DGKH: variants seen among roughly 807,000 people sequenced by gnomAD.
DGKH encodes the protein DAG kinase eta.
A neutral mutation model predicts 159.3 loss-of-function variants in DGKH; 90 were observed. The observed-to-expected ratio is 0.57, with a 90% CI of 0.48 to 0.67. The LOEUF (loss-of-function observed/expected upper bound fraction) is 0.67, where lower values mean the gene tolerates loss of function less well. Among genes scored for constraint, DGKH ranks in the 30% least tolerant of loss-of-function variants. DGKH has a pLI of 0.00. For synonymous variants in DGKH, 536 were observed against 553.8 expected, an observed-to-expected ratio of 0.97 and a Z score of 0.45; for missense variants, 1,181 against 1,506.1, an observed-to-expected ratio of 0.78 and a Z score of 3.57.
intron 1 of DGKH, among the ~76,000 whole-genome samples, chr13:42,116,893 C>T (rs1954978284): frequency 2.0e-5 from 3 of 152,302 alleles, no homozygotes; most frequent in Admixed American, 1.3e-4. Flanking sequence ...ATTTATTCAA[C>T]TTGTAATGCT....
chr13:42,227,985 T>C (rs1212269710), intron 29 of DGKH, among the ~76,000 whole-genome samples: 1 of 152,118 alleles, frequency 6.6e-6, no homozygotes, highest in African/African-American at 2.4e-5. Flanking sequence ...TTTTTAATAA[T>C]TTTCAAATAT....
chr13:42,187,159 A>C lies in DGKH; in HGVS notation c.1638+11A>C. On this transcript the variant is annotated intron_variant, in intron 14 of 29. Coordinates refer to ENST00000337343, the MANE Select transcript of DGKH (RefSeq NM_178009.5). ...GCCGTGGCCAGTAAAGTAAGAGGGG[A>C]CTCTTCAGGGCATGAGAGTTGTTTA... 1 of 1,606,980 alleles carries C rather than the reference A, an allele frequency of 6.2e-7. No individual in the cohort carries two copies. Among genetic ancestry groups the C allele is most frequent in the Non-Finnish European group, 8.5e-7 (1 of 1,173,818 alleles).
At chr13:42,051,480 T>C (rs1041563076) in intron 1 of DGKH, among the ~76,000 whole-genome samples, 1 of 152,084 alleles carries the variant, frequency 6.6e-6, no homozygotes, top group Non-Finnish European at 1.5e-5. Flanking sequence ...ATTTATAGAA[T>C]GAGAACTACT....
chr13:42,070,307 C>T (rs1389678558), intron 1 of DGKH: 14 of 1,303,816 alleles, frequency 1.1e-5, no homozygotes, highest in South Asian at 9.5e-5. Flanking sequence ...ACTGGAATTA[C>T]GCTGAGAAGC....
At chr13:42,187,635 C>T (rs951801219) in intron 14 of DGKH, among the ~76,000 whole-genome samples, 1 of 152,174 alleles carries the variant, frequency 6.6e-6, no homozygotes, top group South Asian at 2.1e-4. Flanking sequence ...CTCAGCCTCC[C>T]AAAATGCTGG....
intron 13 of DGKH, among the ~76,000 whole-genome samples, chr13:42,182,769 C>A (rs9533026): frequency 1.3e-5 from 2 of 151,890 alleles, no homozygotes; most frequent in Non-Finnish European, 2.9e-5. Context: ...TGTGCATGTG[C>A]GCACATATAA....
At chr13:42,051,193 G>T (rs1881270206) in intron 1 of DGKH, among the ~76,000 whole-genome samples, 1 of 152,186 alleles carries the variant, frequency 6.6e-6, no homozygotes. Context: ...GATCATTTTT[G>T]ACTATGAAAT....
At chr13:42,256,293 C>T (rs1958656872) in exon 31 of DGKH, 6 of 1,593,482 alleles carry the variant, frequency 3.8e-6, no homozygotes, top group South Asian at 2.2e-5. Flanking sequence ...GTTTCCTTTA[C>T]AGAAAACTGC....
intron 3 of DGKH, chr13:42,140,810 C>T (rs1220369035): frequency 6.6e-6 from 1 of 151,782 alleles, no homozygotes; most frequent in Non-Finnish European, 1.5e-5. Flanking sequence ...AGACTAAAGC[C>T]TCAAACTCTG....
At chr13:42,203,977 C>T (rs962567991) in intron 20 of DGKH, among the ~76,000 whole-genome samples, 10 of 152,032 alleles carry the variant, frequency 6.6e-5, no homozygotes, top group African/African-American at 2.2e-4. Flanking sequence ...CTGTATTCCT[C>T]GTATTTTTCC....
chr13:42,225,980 A>G (rs1486311355), intron 29 of DGKH, among the ~76,000 whole-genome samples: 1 of 152,142 alleles, frequency 6.6e-6, no homozygotes. Flanking sequence ...GCTTCTGCAC[A>G]GCAAAAGAAA....
intron 1 of DGKH, among the ~76,000 whole-genome samples, chr13:42,125,455 G>T (rs544037038): frequency 6.6e-5 from 10 of 152,256 alleles, no homozygotes; most frequent in African/African-American, 2.4e-4. Context: ...TGTTATTTCC[G>T]ATTTTTAGGA....
intron 1 of DGKH, among the ~76,000 whole-genome samples, chr13:42,053,518 CTATATATAACTATATATGTA>C (rs1365836983): frequency 0.22 from 22,933 of 101,992 alleles, 2,361 homozygotes; most frequent in Non-Finnish European, 0.25. Flanking sequence ...CTATACATAA[CTATATATAACTATATATGTA>C]TATATATAAC....
chr13:42,050,670 A>G (rs1029086830), intron 1 of DGKH, among the ~76,000 whole-genome samples: 2 of 150,292 alleles, frequency 1.3e-5, no homozygotes, highest in Admixed American at 1.3e-4. Flanking sequence ...TGTGTTAATG[A>G]TGGGCAAAAT....
chr13:42,141,368 C>T (rs976867968), intron 3 of DGKH, among the ~76,000 whole-genome samples: 15 of 151,998 alleles, frequency 9.9e-5, no homozygotes, highest in African/African-American at 2.7e-4. Flanking sequence ...CATACATGTG[C>T]GTGTGTCTGT....
intron 1 of DGKH, among the ~76,000 whole-genome samples, chr13:42,113,760 C>T (rs1954912998): frequency 6.6e-6 from 1 of 152,078 alleles, no homozygotes. Flanking sequence ...GATATGAGTT[C>T]CGGCATGGCT....
chr13:42,141,024 G>T (rs1955539454), intron 3 of DGKH, among the ~76,000 whole-genome samples: 1 of 8,022 alleles, frequency 1.2e-4, no homozygotes, highest in East Asian at 1.7e-3. Context: ...TTGGTGTGCT[G>T]AACCCTCCTA....
chr13:42,093,900 T>C (rs890133573), intron 1 of DGKH, among the ~76,000 whole-genome samples: 3 of 152,082 alleles, frequency 2.0e-5, no homozygotes, highest in Non-Finnish European at 2.9e-5. Context: ...AGTTTTGGTT[T>C]TGCAAGGTGA....
intron 12 of DGKH, among the ~76,000 whole-genome samples, chr13:42,177,172 C>A (rs1001334120): frequency 3.3e-5 from 5 of 152,156 alleles, no homozygotes; most frequent in Admixed American, 1.3e-4. Flanking sequence ...CATAAGCCCC[C>A]TCATGCCCTC....
Sources: gnomAD v4.1 joint callset for allele counts (sites outside exome capture counted in the v4.1 genomes callset) on GRCh38, gnomAD v4.1.1 for gene constraint, MANE v1.5 for transcripts, NCBI Gene and HGNC (gene_info 2026-07-23, HGNC 2026-07-21) for gene names.